DFFA: variants seen among roughly 807,000 people sequenced by gnomAD.
DFFA encodes the protein DFF45.
DFFA carries 14 observed loss-of-function variants against 28.0 expected under a neutral mutation model. That is an observed-to-expected ratio of 0.50 (90% CI 0.33 to 0.78). DFFA has a LOEUF of 0.78. Ranked by LOEUF, DFFA falls within the 30% of genes least tolerant of loss-of-function variation. DFFA has a pLI of 0.02. For synonymous variants in DFFA, 158 were observed against 170.3 expected (o/e 0.93, Z 0.56); for missense variants, 395 against 407.1 (o/e 0.97, Z 0.26).
intron 3 of DFFA, among the ~76,000 whole-genome samples, chr1:10,465,603 G>C (rs1391544761): frequency 1.3e-5 from 2 of 151,840 alleles, no homozygotes; most frequent in Non-Finnish European, 2.9e-5. Flanking sequence ...ATGTTTGCCA[G>C]GATGGTCTTG....
At chr1:10,462,921 G>A in intron 5 of DFFA, 137 bp downstream of exon 5, 1 of 1,488,466 alleles carries the variant, frequency 6.7e-7, no homozygotes, top group Non-Finnish European at 8.9e-7. Context: ...AAATGCCTTG[G>A]CATATAATAG....
In DFFA at chr1:10,459,724, C is replaced by A. The variant is rs896024923; in HGVS notation, c.*1766G>T. ...TCTTTTCATTGCCCTTGATGGTTAC[C>A]TTTTTAAAAAAAAAAAAAAAAAAGT... On this transcript the variant is annotated 3_prime_UTR_variant, in exon 6 of 6. Transcript: ENST00000377038. 5 of 143,606 alleles carry A rather than the reference C, an allele frequency of 3.5e-5. No homozygotes were observed. Among genetic ancestry groups the A allele is most frequent in the Non-Finnish European group, 6.0e-5 (4 of 66,134 alleles). The allele number at this position is 143,606 out of a possible 1,614,324, so 8.9% of individuals were successfully genotyped here.
At chr1:10,470,549 G>C (rs905245245) in intron 1 of DFFA, among the ~76,000 whole-genome samples, 2 of 149,438 alleles carry the variant, frequency 1.3e-5, no homozygotes, top group African/African-American at 4.9e-5. Flanking sequence ...TTCAGCCTCC[G>C]GAGTAGCTGG....
At chr1:10,464,382 G>A (rs1035744191) in intron 3 of DFFA, among the ~76,000 whole-genome samples, 2 of 152,068 alleles carry the variant, frequency 1.3e-5, no homozygotes, top group African/African-American at 2.4e-5. Flanking sequence ...GTGAGCCACC[G>A]TGCCCGGCCA....
At chr1:10,465,632 C>T (rs1641011222) in intron 3 of DFFA, among the ~76,000 whole-genome samples, 1 of 151,872 alleles carries the variant, frequency 6.6e-6, no homozygotes, top group Non-Finnish European at 1.5e-5. Context: ...ACATCGTGAT[C>T]TGCCCGCCCC....
chr1:10,463,541 G>A lies in DFFA; in HGVS notation c.521C>T (p.Thr174Ile), dbSNP rs1640980019. ...SCATVQRLQHTLQQVLDQREE... is the reference protein window; with the variant it reads ...SCATVQRLQHILQQVLDQREE... ...TCTTTGGTCAAGCACCTGTTGGAGT[G>A]TGTGCTGCAGCCGCTGGACGGTGGC... The change falls in exon 4 of 6, where the codon ACA becomes ATA. Residue 174 changes from threonine (T) to isoleucine (I), a missense_variant. Thr to Ile is a moderately conservative substitution (Grantham distance 89). Transcript: ENST00000377038. 2 of 1,614,236 alleles carry A rather than the reference G, an allele frequency of 1.2e-6. No homozygotes were observed. The highest frequency in any genetic ancestry group is 1.7e-6 in the Non-Finnish European group (2 of 1,180,048).
At chr1:10,469,413 G>T (rs1641064822) in intron 1 of DFFA, 75 bp from the exon 2 acceptor site, 2 of 1,386,974 alleles carry the variant, frequency 1.4e-6, no homozygotes, top group Non-Finnish European at 2.0e-6. Flanking sequence ...TCTCAAGTAT[G>T]TATGGCTCCA....
In DFFA at chr1:10,463,580, A is replaced by G; in HGVS notation, c.482T>C (p.Leu161Pro). ...DAPCSDLAQE[L>P]RQSCATVQRL... The stretch of plus-strand genomic sequence containing the variant: ...CTGGACGGTGGCACAACTCTGACGT[A>G]GTTCCTGAGCCAGGTCTGAGCAGGG... Residue 161 changes from leucine (L) to proline (P), a missense_variant, in exon 4 of 6, where the codon CTA (leucine) becomes CCA (proline). Physicochemically the swap from Leu to Pro is moderately conservative, Grantham distance 98 (BLOSUM62 -3). Transcript: ENST00000377038. 6.2e-7 allele frequency: 1 copy of G among 1,614,090 alleles called. No individual in the cohort carries two copies. The highest frequency in any genetic ancestry group is 8.5e-7 in the Non-Finnish European group (1 of 1,180,012).
chr1:10,470,878 T>A (rs1302807915), intron 1 of DFFA, among the ~76,000 whole-genome samples: 1 of 150,144 alleles, frequency 6.7e-6, no homozygotes, highest in Non-Finnish European at 1.5e-5. Context: ...CTGGCTAACA[T>A]GGTGAAAAAC....
Position 10,469,315 on chromosome 1 carries a change from T to C in DFFA, c.160A>G (p.Lys54Glu), listed in dbSNP as rs1180911791. The C allele has an allele frequency of 6.8e-6, 11 of 1,613,814 alleles. No homozygotes were observed. The highest frequency in any genetic ancestry group is 2.7e-5 in the African/African-American group (2 of 74,922). Reference sequence around the variant, plus strand: ...ACCAGGGTGACTGGTGTCAGGGACTTATCAATGGCCAGAATGTCACAGGCT... The same window carrying C: ...ACCAGGGTGACTGGTGTCAGGGACTCATCAATGGCCAGAATGTCACAGGCT... ...SKACDILAID[K>E]SLTPVTLVLA... The change falls in exon 2 of 6, where the codon AAG becomes GAG. Residue 54 changes from lysine (K) to glutamate (E), a missense_variant. By Grantham distance (56) the Lys-to-Glu change is moderately conservative. Transcript: ENST00000377038.
At chr1:10,465,323 G>A (rs895975601) in intron 3 of DFFA, among the ~76,000 whole-genome samples, 1 of 152,078 alleles carries the variant, frequency 6.6e-6, no homozygotes, top group African/African-American at 2.4e-5. Context: ...CTAAAATGCA[G>A]TGGCGTGATC....
In DFFA at chr1:10,456,856, C is replaced by G. The variant is rs943865719; in HGVS notation, c.*4634G>C. ...CTTCTACCACAAGAACGGGCATGCC[C>G]TGCCCTCTCTCACTCCTATTTTTAG... On this transcript the variant is annotated 3_prime_UTR_variant, in exon 6 of 6. Coordinates refer to ENST00000377038, the MANE Select transcript of DFFA (RefSeq NM_004401.3). 1 of 152,182 alleles carries G rather than the reference C, an allele frequency of 6.6e-6. No individual in the cohort carries two copies. Among genetic ancestry groups the G allele is most frequent in the Non-Finnish European group, 1.5e-5 (1 of 68,032 alleles). The allele number at this position is 152,182 out of a possible 1,614,324, so 9.4% of individuals were successfully genotyped here. A position where few individuals can be genotyped will look rare whatever the true frequency, so the allele number is the denominator to read the frequency against.
rs371199069 is a variant in DFFA, at chr1:10,467,208, T to C, written c.423A>G (p.Leu141=). ...GCTTTACCTGGAGGTCCTCCTCTGA[T>C]AGGAGGATGATGCTGGACAGATCTT... ...LKEDLSSIIL[L]SEEDLQMLVD... Residue 141 remains leucine (L), a synonymous_variant, in exon 3 of 6, where the codon CTA becomes CTG. Transcript: ENST00000377038. The C allele has an allele frequency of 3.7e-6, 6 of 1,614,030 alleles. No individual in the cohort carries two copies. Among genetic ancestry groups the C allele is most frequent in the Admixed American group, 1.7e-5 (1 of 59,986 alleles).
chr1:10,462,943 G>A (rs993387387), intron 5 of DFFA, 115 bp downstream of exon 5: 2 of 1,523,204 alleles, frequency 1.3e-6, no homozygotes, highest in African/African-American at 1.4e-5. Context: ...CAAACTGGCA[G>A]CTAGGATTCA....
At chr1:10,467,855 A>C (rs931492723) in intron 2 of DFFA, among the ~76,000 whole-genome samples, 2 of 152,144 alleles carry the variant, frequency 1.3e-5, no homozygotes, top group Non-Finnish European at 2.9e-5. Context: ...GTATTCTTCC[A>C]TAGAAAAAGC....
intron 3 of DFFA, among the ~76,000 whole-genome samples, chr1:10,465,466 A>G (rs1030172174): frequency 6.0e-5 from 9 of 150,928 alleles, no homozygotes; most frequent in African/African-American, 2.2e-4. Flanking sequence ...GGATTTCACC[A>G]TCTTGGCCAA....
At position 10,458,523 on chromosome 1, in the gene DFFA, G is replaced by C. The variant is rs984993817; in HGVS notation, c.*2967C>G. The stretch of plus-strand genomic sequence containing the variant: ...TTCTGTACCCCCATCTTTACCCTAG[G>C]ACTTATTGTGATTTTCTTTTTTTTT... On this transcript the variant is annotated 3_prime_UTR_variant, in exon 6 of 6. Transcript: ENST00000377038. 7.0e-6 allele frequency: 1 copy of C among 143,006 alleles called. No homozygotes were observed. Among genetic ancestry groups the C allele is most frequent in the Non-Finnish European group, 1.5e-5 (1 of 66,802 alleles). 8.9% of individuals were successfully genotyped at this position (143,006 alleles called of 1,614,324 possible).
chr1:10,471,755 G>A (rs1325191706), intron 1 of DFFA, among the ~76,000 whole-genome samples: 1 of 152,176 alleles, frequency 6.6e-6, no homozygotes, highest in African/African-American at 2.4e-5. Flanking sequence ...TACCCAATTT[G>A]CTGATGAGAA....
chr1:10,462,065 C>A (rs11578995), intron 5 of DFFA, among the ~76,000 whole-genome samples: 10,492 of 152,100 alleles, frequency 0.069, 455 homozygotes, highest in Non-Finnish European at 0.1. Flanking sequence ...TCACCGTGTT[C>A]GCCAGGATGG....
Sources: allele counts gnomAD v4.1 joint callset (sites outside exome capture counted in the v4.1 genomes callset), GRCh38; gene constraint gnomAD v4.1.1; transcripts MANE v1.5; gene names NCBI Gene and HGNC (gene_info 2026-07-23, HGNC 2026-07-21).